PLAAT5: variants seen among roughly 807,000 people sequenced by gnomAD.
PLAAT5 encodes Ca(2+)-independent N-acyltransferase.
In PLAAT5, 27 loss-of-function variants were observed where a neutral mutation model predicts 27.8. That is an observed-to-expected ratio of 0.97 (90% CI 0.72 to 1.34). PLAAT5 has a LOEUF of 1.34. PLAAT5 is among the 40% of genes most tolerant of loss of function. The pLI is 0.00. For missense variants in PLAAT5, 368 were observed against 343.8 expected (o/e 1.07, Z -0.56); for synonymous variants, 125 against 136.1 (o/e 0.92, Z 0.57).
At chr11:63,483,784 A>ATATATAT (rs1555028140) in intron 3 of PLAAT5, among the ~76,000 whole-genome samples, 1 of 65,680 alleles carries the variant, frequency 1.5e-5, no homozygotes, top group South Asian at 4.0e-4. Flanking sequence ...GCAAAAAAAA[A>ATATATAT]ATATATATAT....
intron 1 of PLAAT5, 54 bp from the exon 2 acceptor site, chr11:63,490,387 G>A (rs1296343397): frequency 1.2e-6 from 2 of 1,613,258 alleles, no homozygotes; most frequent in Admixed American, 1.7e-5. Context: ...GTTCGAGCAA[G>A]CACCTTGACC....
At chr11:63,463,991 G>T (rs2015787114) in intron 5 of PLAAT5, among the ~76,000 whole-genome samples, 1 of 152,170 alleles carries the variant, frequency 6.6e-6, no homozygotes, top group African/African-American at 2.4e-5. Flanking sequence ...TTGGGTTCTT[G>T]GGCCTCATGA....
At chr11:63,477,855 C>T (rs2016190068) in intron 3 of PLAAT5, among the ~76,000 whole-genome samples, 1 of 152,138 alleles carries the variant, frequency 6.6e-6, no homozygotes. Flanking sequence ...GAAGGCTTTA[C>T]CTTTTGTCAG....
intron 3 of PLAAT5, chr11:63,469,433 TG>T: frequency 4.0e-6 from 1 of 247,088 alleles, no homozygotes; most frequent in Non-Finnish European, 9.0e-6. Context: ...AAAAGAGCCC[TG>T]GAATATGGAG....
chr11:63,483,785 A>ATATATATATATATATATATG (rs2016348953), intron 3 of PLAAT5, among the ~76,000 whole-genome samples: 2 of 88,620 alleles, frequency 2.3e-5, no homozygotes, highest in Non-Finnish European at 4.5e-5. Context: ...CAAAAAAAAA[A>ATATATATATATATATATATG]TATATATATA....
chr11:63,463,516 G>T lies in PLAAT5; in HGVS notation c.797C>A (p.Pro266Gln). ...SAVVDSIKPKPITA is the reference protein window; with the variant it reads ...SAVVDSIKPKQITA ...TTTTCATCACCTTCAGGCAGTTATTGGTTTGGGCTTTATGCTATCCACTAC... is the reference window on the plus strand; with the variant it reads ...TTTTCATCACCTTCAGGCAGTTATTTGTTTGGGCTTTATGCTATCCACTAC... The change falls in exon 6 of 6, where the codon CCA (proline) becomes CAA (glutamine). Residue 266 changes from proline to glutamine, a missense_variant. Transcript: ENST00000540857. 2 of 1,613,162 alleles carry T rather than the reference G, an allele frequency of 1.2e-6. No homozygotes were observed. The highest frequency in any genetic ancestry group is 8.5e-7 in the Non-Finnish European group (1 of 1,179,424).
intron 3 of PLAAT5, among the ~76,000 whole-genome samples, chr11:63,474,158 C>T (rs2016098465): frequency 6.6e-6 from 1 of 152,056 alleles, no homozygotes; most frequent in South Asian, 2.1e-4. Context: ...AGATATTAGT[C>T]TTGTAGCTTC....
At chr11:63,482,162 G>A (rs2016303527) in intron 3 of PLAAT5, among the ~76,000 whole-genome samples, 1 of 152,196 alleles carries the variant, frequency 6.6e-6, no homozygotes, top group South Asian at 2.1e-4. Context: ...TCCTGAGGAA[G>A]AAGAGGAATC....
intron 5 of PLAAT5, among the ~76,000 whole-genome samples, chr11:63,464,870 T>C (rs1354020040): frequency 1.3e-5 from 2 of 152,010 alleles, no homozygotes; most frequent in East Asian, 1.9e-4. Flanking sequence ...GTAATGTGAG[T>C]GAGGCAGGTG....
In PLAAT5 at chr11:63,462,432, G is replaced by A. The variant is rs879168923; in HGVS notation, c.*1071C>T. On this transcript the variant is annotated 3_prime_UTR_variant, in exon 6 of 6. Transcript: ENST00000540857. ...GGGGAACAGGAGGCCATTGAGTTTA[G>A]ATTGCTAAGAAAAGGATGGAGGGTA... 3.9e-5 allele frequency: 6 copies of A among 152,320 alleles called. No homozygotes were observed. In the South Asian group the frequency reaches 1.2e-3, roughly 32 times the overall value. The allele number at this position is 152,320 out of a possible 1,614,324, so 9.4% of individuals were successfully genotyped here.
chr11:63,467,925 G>A (rs1019818659), intron 4 of PLAAT5, among the ~76,000 whole-genome samples: 5 of 152,328 alleles, frequency 3.3e-5, no homozygotes, highest in East Asian at 1.9e-4. Context: ...AGGTGAGGAC[G>A]AAGGTGCCAA....
intron 3 of PLAAT5, among the ~76,000 whole-genome samples, chr11:63,484,151 C>T (rs1444522131): frequency 7.0e-6 from 1 of 142,990 alleles, no homozygotes; most frequent in Non-Finnish European, 1.5e-5. Context: ...TTAAAAATGC[C>T]AACAACAGAA....
intron 3 of PLAAT5, among the ~76,000 whole-genome samples, chr11:63,476,875 C>G (rs556175335): frequency 3.9e-5 from 6 of 152,016 alleles, no homozygotes; most frequent in African/African-American, 1.4e-4. Flanking sequence ...TTTTCTTTTT[C>G]TTTTTCCTCC....
intron 3 of PLAAT5, among the ~76,000 whole-genome samples, chr11:63,483,353 T>C (rs1590624813): frequency 6.6e-6 from 1 of 152,222 alleles, no homozygotes; most frequent in East Asian, 1.9e-4. Context: ...GATCATTTGA[T>C]AGGCCACAAA....
In PLAAT5 at chr11:63,463,491, T is replaced by C. The variant is rs1467776360; in HGVS notation, c.*12A>G. 1 of 1,602,844 alleles carries C rather than the reference T, an allele frequency of 6.2e-7. No individual in the cohort carries two copies. Reference sequence around the variant, plus strand: ...TCAGTAACTCTTCCTCTAGCTGGAGTTTTCATCACCTTCAGGCAGTTATTG... The same window carrying C: ...TCAGTAACTCTTCCTCTAGCTGGAGCTTTCATCACCTTCAGGCAGTTATTG... On this transcript the variant is annotated 3_prime_UTR_variant, in exon 6 of 6. Transcript: ENST00000540857.
chr11:63,490,659 C>T, intron 1 of PLAAT5: 1 of 609,958 alleles, frequency 1.6e-6, no homozygotes. Context: ...TCCGGAGCTG[C>T]CACCACTGCC....
chr11:63,467,510 A>G (rs2015894832), intron 4 of PLAAT5, among the ~76,000 whole-genome samples: 1 of 152,182 alleles, frequency 6.6e-6, no homozygotes, highest in South Asian at 2.1e-4. Flanking sequence ...CAGGGATGAC[A>G]GCTGAGAACA....
chr11:63,488,888 T>C lies in PLAAT5; in HGVS notation c.328A>G (p.Ile110Val), dbSNP rs1420363114. 1 of 1,613,188 alleles carries C rather than the reference T, an allele frequency of 6.2e-7. No individual in the cohort carries two copies. The highest frequency in any genetic ancestry group is 1.3e-5 in the African/African-American group (1 of 75,006). Residue 110 changes from isoleucine to valine, a missense_variant, in exon 3 of 6, where the codon ATA becomes GTA. Physicochemically the swap from Ile to Val is conservative, Grantham distance 29 (BLOSUM62 3). Transcript: ENST00000540857. ...IPKPENEGKL[I>V]KQAAEGKPRP... ...ACACCTACCTCAGCTGCTTGCTTTA[T>C]TAACTTGCCTTCATTCTCAGGCTTT...
intron 3 of PLAAT5, chr11:63,469,425 A>G: frequency 8.0e-6 from 2 of 249,318 alleles, no homozygotes; most frequent in Non-Finnish European, 1.8e-5. Context: ...GAGCAAAGAA[A>G]AGAGCCCTGG....
Sources: gnomAD v4.1 joint callset for allele counts (sites outside exome capture counted in the v4.1 genomes callset) on GRCh38, gnomAD v4.1.1 for gene constraint, MANE v1.5 for transcripts, NCBI Gene and HGNC (gene_info 2026-07-23, HGNC 2026-07-21) for gene names.